Variants in ZSWIM6 observed in about 807,000 individuals in gnomAD.
ZSWIM6 encodes the protein zinc finger SWIM-type containing 6, also known as zinc finger SWIM domain-containing protein 6.
ZSWIM6 carries 9 observed loss-of-function variants against 113.2 expected under a neutral mutation model. The observed-to-expected ratio is 0.08, with a 90% CI of 0.05 to 0.14. The LOEUF is 0.14. ZSWIM6 is among the 10% of genes least tolerant of loss of function. The probability of loss-of-function intolerance (pLI) is 1.00; values close to 1 mark genes in which losing one functional copy is unlikely to be tolerated. For synonymous variants in ZSWIM6, 611 were observed against 606.5 expected (o/e 1.01, Z -0.11); for missense variants, 1,162 against 1,552.2 (o/e 0.75, Z 4.22).
At chr5:61,372,804 T>G (rs1404973429) in intron 1 of ZSWIM6, among the ~76,000 whole-genome samples, 3 of 152,206 alleles carry the variant, frequency 2.0e-5, no homozygotes, top group African/African-American at 4.8e-5. Context: ...ACACCATCAT[T>G]TATATCATTT....
chr5:61,420,567 A>G (rs1031612103), intron 1 of ZSWIM6, among the ~76,000 whole-genome samples: 1 of 152,170 alleles, frequency 6.6e-6, no homozygotes, highest in African/African-American at 2.4e-5. Context: ...ACTAAGTAGC[A>G]GTAGAACAGA....
chr5:61,410,533 C>T (rs551666248), intron 1 of ZSWIM6, among the ~76,000 whole-genome samples: 1 of 152,042 alleles, frequency 6.6e-6, no homozygotes, highest in Non-Finnish European at 1.5e-5. Context: ...TGGTCTCGAT[C>T]TCCTGACCTC....
intron 9 of ZSWIM6, among the ~76,000 whole-genome samples, chr5:61,532,370 T>A (rs1253233637): frequency 6.6e-6 from 1 of 152,218 alleles, no homozygotes; most frequent in African/African-American, 2.4e-5. Context: ...ATTTTTCAGA[T>A]TTTTTCCCCT....
chr5:61,420,468 A>T (rs897381294), intron 1 of ZSWIM6, among the ~76,000 whole-genome samples: 5 of 151,966 alleles, frequency 3.3e-5, no homozygotes, highest in African/African-American at 1.2e-4. Flanking sequence ...AGAAGTTTCT[A>T]GTATTTTTTT....
At chr5:61,468,843 T>C (rs1293845466) in intron 1 of ZSWIM6, among the ~76,000 whole-genome samples, 2 of 152,204 alleles carry the variant, frequency 1.3e-5, no homozygotes, top group African/African-American at 2.4e-5. Flanking sequence ...AAGGCTGAAG[T>C]AGGCTTGGTT....
At chr5:61,542,140 A>G (rs1433593268) in intron 13 of ZSWIM6, among the ~76,000 whole-genome samples, 175 bp downstream of exon 13, 1 of 152,220 alleles carries the variant, frequency 6.6e-6, no homozygotes, top group Admixed American at 6.5e-5. Context: ...TCAGTTATAC[A>G]TACTTGTATT....
intron 2 of ZSWIM6, among the ~76,000 whole-genome samples, chr5:61,481,468 CTT>C: frequency 6.6e-6 from 1 of 152,100 alleles, no homozygotes; most frequent in South Asian, 2.1e-4. Flanking sequence ...TGCCACCCTG[CTT>C]AACATTCTCT....
At chr5:61,459,450 G>C (rs1263597951) in intron 1 of ZSWIM6, among the ~76,000 whole-genome samples, 1 of 152,170 alleles carries the variant, frequency 6.6e-6, no homozygotes, top group Non-Finnish European at 1.5e-5. Context: ...ATAGTGTATA[G>C]TATTAGTGGA....
intron 1 of ZSWIM6, among the ~76,000 whole-genome samples, chr5:61,464,719 A>G (rs1026805328): frequency 6.6e-6 from 1 of 152,178 alleles, no homozygotes; most frequent in Non-Finnish European, 1.5e-5. Flanking sequence ...CCTGGTAAAC[A>G]GAATTAGTCT....
At chr5:61,346,878 C>T (rs538072810) in intron 1 of ZSWIM6, among the ~76,000 whole-genome samples, 4 of 152,196 alleles carry the variant, frequency 2.6e-5, no homozygotes, top group South Asian at 2.1e-4. Context: ...GGGAAAAAGC[C>T]GTTAAAATAC....
chr5:61,535,847 C>G (rs574342641), intron 10 of ZSWIM6, among the ~76,000 whole-genome samples: 13 of 152,156 alleles, frequency 8.5e-5, no homozygotes, highest in Non-Finnish European at 1.6e-4. Context: ...TCAAGCACAC[C>G]GTGGCTTTTT....
chr5:61,409,509 T>C (rs1199458416), intron 1 of ZSWIM6, among the ~76,000 whole-genome samples: 1 of 152,232 alleles, frequency 6.6e-6, no homozygotes, highest in Non-Finnish European at 1.5e-5. Context: ...TTTCAGCCTT[T>C]AAAGAAAAAT....
chr5:61,476,965 A>G (rs750271906), intron 2 of ZSWIM6, among the ~76,000 whole-genome samples: 1 of 152,146 alleles, frequency 6.6e-6, no homozygotes, highest in African/African-American at 2.4e-5. Context: ...TAATCATACA[A>G]TGGATAATTA....
intron 1 of ZSWIM6, among the ~76,000 whole-genome samples, chr5:61,446,003 A>G (rs1466014312): frequency 2.0e-5 from 3 of 152,356 alleles, no homozygotes; most frequent in East Asian, 1.9e-4. Context: ...AGTACTATCT[A>G]TGCAGAATAG....
At chr5:61,376,941 A>G (rs370373814) in intron 1 of ZSWIM6, among the ~76,000 whole-genome samples, 23 of 152,194 alleles carry the variant, frequency 1.5e-4, no homozygotes, top group South Asian at 2.1e-4. Context: ...AAGGCTTCAT[A>G]TTGAAGCTGA....
intron 1 of ZSWIM6, among the ~76,000 whole-genome samples, chr5:61,336,389 A>G (rs377710031): frequency 1.3e-5 from 2 of 152,346 alleles, no homozygotes; most frequent in Admixed American, 6.5e-5. Flanking sequence ...AATTTCCCCA[A>G]GTTATTTTCT....
chr5:61,333,009 G>GGGGGGGGCCCCC, intron 1 of ZSWIM6, 61 bp downstream of exon 1: 1 of 439,892 alleles, frequency 2.3e-6, no homozygotes, highest in Non-Finnish European at 3.2e-6. Flanking sequence ...TGGGGGGGGG[G>GGGGGGGGCCCCC]TGCCCGCCTT....
At chr5:61,464,881 G>A (rs1365694215) in intron 1 of ZSWIM6, among the ~76,000 whole-genome samples, 7 of 152,220 alleles carry the variant, frequency 4.6e-5, no homozygotes, top group Admixed American at 6.5e-5. Flanking sequence ...GATAAAGTAC[G>A]CAGAGATGCC....
Position 61,414,437 on chromosome 5 carries a change from C to T in ZSWIM6, c.677-58244C>T, listed in dbSNP as rs575296173. On this transcript the variant is annotated intron_variant, in intron 1 of 13. Coordinates refer to ENST00000252744, the MANE Select transcript of ZSWIM6 (RefSeq NM_020928.2). The stretch of plus-strand genomic sequence containing the variant: ...ACAAATCAAGGGTTTAGTTTTGGAC[C>T]TGAGTCTGAGCTATGCAGTAGAGAG... Among the ~76,000 whole-genome samples, 8 of 152,212 alleles carry T rather than the reference C, an allele frequency of 5.3e-5. No individual in the cohort carries two copies. The South Asian group carries it at 1.5e-3, about 28-fold the overall frequency.
Sources: gnomAD v4.1 joint callset for allele counts (sites outside exome capture counted in the v4.1 genomes callset) on GRCh38, gnomAD v4.1.1 for gene constraint, MANE v1.5 for transcripts, NCBI Gene and HGNC (gene_info 2026-07-23, HGNC 2026-07-21) for gene names.